CLEC6A: variants seen among roughly 807,000 people sequenced by gnomAD.
CLEC6A encodes C-type lectin domain containing 6A.
Under a neutral mutation model 25.7 loss-of-function variants are expected in CLEC6A, and 22 were observed. The observed-to-expected ratio is 0.85, with a 90% confidence interval of 0.61 to 1.22. The LOEUF is 1.22. CLEC6A is among the 50% of genes most tolerant of loss of function. The pLI is 0.00. For synonymous variants in CLEC6A, 92 were observed against 76.7 expected, an observed-to-expected ratio of 1.20 and a Z score of -1.04; for missense variants, 240 against 236.8, an observed-to-expected ratio of 1.01 and a Z score of -0.09.
intron 1 of CLEC6A, 100 bp from the exon 2 acceptor site, chr12:8,457,798 T>G: frequency 1.2e-6 from 1 of 815,596 alleles, no homozygotes; most frequent in South Asian, 1.4e-5. Flanking sequence ...TTAACTGCTC[T>G]GAGGTTCTTC....
chr12:8,463,366 T>C (rs1436853746), intron 3 of CLEC6A, among the ~76,000 whole-genome samples: 9 of 152,178 alleles, frequency 5.9e-5, no homozygotes, highest in African/African-American at 2.2e-4. Context: ...GAGTGGAACT[T>C]TGAAAAAATG....
rs371211465 is a variant in CLEC6A, at chr12:8,465,509, G to A, written c.249G>A (p.Trp83Ter). ...CCTGGGGATGTTGCCCAGCTTCTTG[G>A]AAGTCATTTGGTTCCAGTTGCTACT... ...VPAWGCCPAS[W>*]KSFGSSCYFI... The change falls in exon 4 of 6, where the codon TGG becomes TGA. Residue 83 changes from tryptophan (W) to a stop codon, truncating the protein, a stop_gained. Coordinates refer to ENST00000382073, the MANE Select transcript of CLEC6A (RefSeq NM_001007033.2). LOFTEE classifies it high-confidence loss of function. The A allele has an allele frequency of 2.0e-5, 32 of 1,613,828 alleles. No homozygotes were observed. The highest frequency in any genetic ancestry group is 2.5e-5 in the Non-Finnish European group (30 of 1,179,960).
Position 8,465,570 on chromosome 12 carries a change from G to A in CLEC6A, c.310G>A (p.Glu104Lys). ...TGAAGAGAAGGTTTGGTCTAAGAGT[G>A]AGCAGAACTGTGTTGAGATGGGAGC... Reference protein sequence around the residue: ...SSEEKVWSKSEQNCVEMGAHL... With the variant: ...SSEEKVWSKSKQNCVEMGAHL... Residue 104 changes from glutamate to lysine, a missense_variant, in exon 4 of 6, where the codon GAG becomes AAG. Transcript: ENST00000382073. 6.2e-7 allele frequency: 1 copy of A among 1,614,028 alleles called. No homozygotes were observed. The highest frequency in any genetic ancestry group is 8.5e-7 in the Non-Finnish European group (1 of 1,179,958).
At chr12:8,462,130 A>G (rs979036657) in intron 3 of CLEC6A, among the ~76,000 whole-genome samples, 6 of 152,274 alleles carry the variant, frequency 3.9e-5, no homozygotes, top group Non-Finnish European at 5.9e-5. Flanking sequence ...AGGGCTGTGC[A>G]GGATGTGCTT....
At chr12:8,460,192 A>G (rs1483732877) in intron 3 of CLEC6A, among the ~76,000 whole-genome samples, 1 of 152,156 alleles carries the variant, frequency 6.6e-6, no homozygotes, top group East Asian at 1.9e-4. Context: ...TGGTTGGTGT[A>G]TTAGTCAGTT....
Position 8,465,051 on chromosome 12 carries a change from T to C in CLEC6A, c.224-433T>C, listed in dbSNP as rs781753652. ...ACATACATGATAAATGGAATTCTAA[T>C]GAGGCACAATTCTAATTCTCATAAC... is the stretch of plus-strand genomic sequence containing the variant. On this transcript the variant is annotated intron_variant, in intron 3 of 5. Coordinates refer to ENST00000382073, the MANE Select transcript of CLEC6A (RefSeq NM_001007033.2). Among the ~76,000 whole-genome samples the C allele has an allele frequency of 7.2e-5, 11 of 152,348 alleles. No homozygotes were observed. In the East Asian group the frequency reaches 1.9e-3, roughly 27 times the overall value.
intron 3 of CLEC6A, among the ~76,000 whole-genome samples, chr12:8,461,489 G>A (rs950508214): frequency 6.6e-6 from 1 of 152,320 alleles, no homozygotes; most frequent in East Asian, 1.9e-4. Flanking sequence ...TATCCATCTG[G>A]CATAAGAGAC....
intron 4 of CLEC6A, among the ~76,000 whole-genome samples, chr12:8,475,825 T>C (rs751906396): frequency 6.6e-6 from 1 of 151,550 alleles, no homozygotes; most frequent in Non-Finnish European, 1.5e-5. Flanking sequence ...TCTCAACATA[T>C]AAAATAAAAA....
At chr12:8,477,236 T>G (rs1368079119) in intron 5 of CLEC6A, 84 bp from the exon 6 acceptor site, 1 of 1,095,332 alleles carries the variant, frequency 9.1e-7, no homozygotes, top group Non-Finnish European at 1.3e-6. Context: ...TAAATCCCAC[T>G]TTGTTCACCC....
intron 4 of CLEC6A, among the ~76,000 whole-genome samples, chr12:8,475,592 A>G (rs765331007): frequency 4.6e-5 from 7 of 152,014 alleles, no homozygotes; most frequent in Non-Finnish European, 1.0e-4. Context: ...GTCAAGCAGC[A>G]GGCAGGCAGG....
chr12:8,476,391 T>C (rs1003053831), intron 5 of CLEC6A, 151 bp downstream of exon 5: 11 of 539,562 alleles, frequency 2.0e-5, no homozygotes, highest in Non-Finnish European at 3.6e-5. Context: ...TTAAACTTCA[T>C]GAAAACTTCT....
Position 8,477,489 on chromosome 12 carries a change from G to C in CLEC6A, c.*25G>C. ...AGTAGAAGCTTAATTGGAAAGAAGA[G>C]AAGAATTACTGACGTAATTTTTTCC... On this transcript the variant is annotated 3_prime_UTR_variant, in exon 6 of 6. Transcript: ENST00000382073. The C allele has an allele frequency of 6.4e-7, 1 of 1,561,154 alleles. No individual in the cohort carries two copies. The highest frequency in any genetic ancestry group is 8.7e-7 in the Non-Finnish European group (1 of 1,153,820).
chr12:8,466,560 C>G (rs1200545195), intron 4 of CLEC6A, among the ~76,000 whole-genome samples: 1 of 152,024 alleles, frequency 6.6e-6, no homozygotes, highest in Non-Finnish European at 1.5e-5. Flanking sequence ...TTCTGTTTTG[C>G]TTTTTGAATA....
chr12:8,462,259 A>G (rs1939767203), intron 3 of CLEC6A, among the ~76,000 whole-genome samples: 1 of 148,570 alleles, frequency 6.7e-6, no homozygotes, highest in Admixed American at 6.8e-5. Flanking sequence ...TAGGAAAGCC[A>G]GGTATTGTCC....
At chr12:8,464,368 C>T (rs370290009) in intron 3 of CLEC6A, among the ~76,000 whole-genome samples, 252 of 148,998 alleles carry the variant, frequency 1.7e-3, no homozygotes, top group African/African-American at 5.7e-3. Flanking sequence ...CTCTCTCTGT[C>T]GCCCAGGCTG....
At position 8,468,650 on chromosome 12, in the gene CLEC6A, C is replaced by T. The variant is rs184034123; in HGVS notation, c.369+3021C>T. 6.0e-4 allele frequency among the ~76,000 whole-genome samples: 92 copies of T among 152,218 alleles called. No homozygotes were observed. The East Asian group carries it at 0.011, about 18-fold the overall frequency. On this transcript the variant is annotated intron_variant, in intron 4 of 5. Coordinates refer to ENST00000382073, the MANE Select transcript of CLEC6A (RefSeq NM_001007033.2). ...GGTTTAATATCTGCAAGTCAATTAA[C>T]GTGATACACCATATAAACAGAATTA...
intron 3 of CLEC6A, 114 bp from the exon 4 acceptor site, chr12:8,465,370 A>C: frequency 1.0e-6 from 1 of 1,001,272 alleles, no homozygotes; most frequent in Non-Finnish European, 1.4e-6. Flanking sequence ...TCTATAATTC[A>C]GGAAACAGTA....
intron 3 of CLEC6A, among the ~76,000 whole-genome samples, chr12:8,461,751 A>G (rs1591706365): frequency 6.6e-6 from 1 of 152,250 alleles, no homozygotes; most frequent in Non-Finnish European, 1.5e-5. Flanking sequence ...TCCACATTGT[A>G]TCTTCTTCAG....
chr12:8,466,531 C>G lies in CLEC6A; in HGVS notation c.369+902C>G, dbSNP rs759982550. 1.4e-4 allele frequency among the ~76,000 whole-genome samples: 21 copies of G among 152,310 alleles called. 1 individual carries two copies. The South Asian group carries it at 3.7e-3, about 27-fold the overall frequency. ...GTATCCAAGGGTCTCACTTCACATT[C>G]TGGTCAACACTTGTTATTTTCTGTT... is the stretch of plus-strand genomic sequence containing the variant. On this transcript the variant is annotated intron_variant, in intron 4 of 5. Transcript: ENST00000382073.
Sources: allele counts gnomAD v4.1 joint callset (sites outside exome capture counted in the v4.1 genomes callset), GRCh38; gene constraint gnomAD v4.1.1; transcripts MANE v1.5; gene names NCBI Gene and HGNC (gene_info 2026-07-23, HGNC 2026-07-21).